Variants in MEI4 observed in about 807,000 individuals in gnomAD.
The protein encoded by MEI4 is meiosis-specific protein MEI4.
A neutral mutation model predicts 31.4 loss-of-function variants in MEI4; 27 were observed. That is an observed-to-expected ratio of 0.86 (90% CI 0.63 to 1.19). MEI4 has a LOEUF of 1.19. MEI4 is among the 50% of genes most tolerant of loss of function. The pLI is 0.00. For synonymous variants in MEI4, 122 were observed against 145.4 expected (o/e 0.84, Z 1.16); for missense variants, 329 against 398.9 (o/e 0.82, Z 1.49).
At position 77,891,166 on chromosome 6, in the gene MEI4, T is replaced by A. The variant is rs371115087; in HGVS notation, c.901-31923T>A. ...TTGGGATTCTTTGAGCTCCTTGTAT[T>A]TGGATGTCTGTGTCTCTTGCAAGAC... On this transcript the variant is annotated intron_variant, in intron 4 of 4. Coordinates refer to ENST00000684080, the MANE Select transcript of MEI4 (RefSeq NM_001322247.2). 1.4e-3 allele frequency among the ~76,000 whole-genome samples: 217 copies of A among 152,326 alleles called. 4 individuals carry two copies. The South Asian group carries it at 0.024, about 17-fold the overall frequency.
intron 4 of MEI4, among the ~76,000 whole-genome samples, chr6:77,839,332 C>G (rs1170218646): frequency 6.6e-6 from 1 of 152,092 alleles, no homozygotes; most frequent in African/African-American, 2.4e-5. Context: ...CTTCTGGGAA[C>G]AGAAGGGGGT....
chr6:77,883,169 T>C (rs1771528767), intron 4 of MEI4, among the ~76,000 whole-genome samples: 1 of 152,106 alleles, frequency 6.6e-6, no homozygotes, highest in African/African-American at 2.4e-5. Flanking sequence ...GCTTTTTTAG[T>C]AGTGTCTTTT....
chr6:77,786,156 A>G (rs1180267900), intron 3 of MEI4, among the ~76,000 whole-genome samples: 1 of 152,150 alleles, frequency 6.6e-6, no homozygotes, highest in Non-Finnish European at 1.5e-5. Flanking sequence ...TATGAAAAGT[A>G]TATCTATAGG....
At chr6:77,876,422 C>A (rs951164263) in intron 4 of MEI4, among the ~76,000 whole-genome samples, 1 of 152,048 alleles carries the variant, frequency 6.6e-6, no homozygotes, top group African/African-American at 2.4e-5. Flanking sequence ...GTTCATTTAC[C>A]ATGTGATACC....
intron 2 of MEI4, among the ~76,000 whole-genome samples, chr6:77,735,542 T>G (rs1767168282): frequency 6.6e-6 from 1 of 152,000 alleles, no homozygotes; most frequent in South Asian, 2.1e-4. Flanking sequence ...CTTCTAAATT[T>G]TTTTCAAAGT....
At chr6:77,782,414 C>A (rs1252983073) in intron 3 of MEI4, among the ~76,000 whole-genome samples, 1 of 152,086 alleles carries the variant, frequency 6.6e-6, no homozygotes, top group Non-Finnish European at 1.5e-5. Context: ...TAAAAAATTA[C>A]ACATACTTAA....
intron 2 of MEI4, among the ~76,000 whole-genome samples, chr6:77,754,158 G>T (rs943700675): frequency 2.0e-5 from 3 of 152,026 alleles, no homozygotes; most frequent in Non-Finnish European, 4.4e-5. Flanking sequence ...TGTAGATGAT[G>T]GGTTGATGGG....
chr6:77,829,235 G>T (rs750326697), intron 4 of MEI4, among the ~76,000 whole-genome samples, 173 bp downstream of exon 4: 2 of 152,038 alleles, frequency 1.3e-5, no homozygotes, highest in Non-Finnish European at 2.9e-5. Context: ...GATACTTTCA[G>T]AAAACAGTTT....
intron 4 of MEI4, among the ~76,000 whole-genome samples, chr6:77,887,341 G>T (rs1252189829): frequency 2.0e-5 from 3 of 151,002 alleles, no homozygotes; most frequent in African/African-American, 7.3e-5. Flanking sequence ...GCCCAGGTTG[G>T]AGTGGAGTGC....
intron 1 of MEI4, among the ~76,000 whole-genome samples, chr6:77,668,661 GC>G (rs1347966731): frequency 6.6e-6 from 1 of 152,178 alleles, no homozygotes; most frequent in African/African-American, 2.4e-5. Context: ...TACTGTCTGA[GC>G]CTCTGTTGAT....
intron 2 of MEI4, among the ~76,000 whole-genome samples, chr6:77,735,771 A>C (rs542389190): frequency 6.6e-6 from 1 of 151,808 alleles, no homozygotes; most frequent in South Asian, 2.1e-4. Flanking sequence ...GGTTTTATCT[A>C]TTTTTGGTCT....
chr6:77,754,005 A>G (rs1396258292), intron 2 of MEI4, among the ~76,000 whole-genome samples: 1 of 152,166 alleles, frequency 6.6e-6, no homozygotes, highest in Non-Finnish European at 1.5e-5. Context: ...ACATCAGCAG[A>G]AAACCAAACA....
rs140791906 is a variant in MEI4, at chr6:77,716,198, G to A, written c.232+25295G>A. On this transcript the variant is annotated intron_variant, in intron 2 of 4. Transcript: ENST00000684080. ...TAACGTATATTAACAGGTTTCATGGGAGCCAATTACAGGGGAATCAGATCA... is the reference window on the plus strand; with the variant it reads ...TAACGTATATTAACAGGTTTCATGGAAGCCAATTACAGGGGAATCAGATCA... 1.4e-3 allele frequency among the ~76,000 whole-genome samples: 212 copies of A among 152,246 alleles called. 1 individual carries two copies. Among genetic ancestry groups the A allele is most frequent in the African/African-American group, 4.5e-3 (186 of 41,554 alleles).
At chr6:77,870,630 A>G (rs986098682) in intron 4 of MEI4, among the ~76,000 whole-genome samples, 1 of 152,196 alleles carries the variant, frequency 6.6e-6, no homozygotes, top group South Asian at 2.1e-4. Context: ...AGGAGAGAAC[A>G]TATAATTACA....
intron 3 of MEI4, among the ~76,000 whole-genome samples, chr6:77,762,722 C>CAA (rs1768073697): frequency 6.6e-6 from 1 of 152,092 alleles, no homozygotes; most frequent in Non-Finnish European, 1.5e-5. Flanking sequence ...CTTTCCTTCT[C>CAA]TATTAAGGTA....
intron 3 of MEI4, among the ~76,000 whole-genome samples, chr6:77,781,776 ATTC>A (rs1768603237): frequency 6.6e-6 from 1 of 152,156 alleles, no homozygotes; most frequent in Non-Finnish European, 1.5e-5. Flanking sequence ...TAAGAGCTCT[ATTC>A]TTAAACAGGA....
chr6:77,798,765 A>T lies in MEI4; in HGVS notation c.769-30166A>T, dbSNP rs1336842525. Among the ~76,000 whole-genome samples, 3 of 151,256 alleles carry T rather than the reference A, an allele frequency of 2.0e-5. No homozygotes were observed. In the East Asian group the frequency reaches 5.9e-4, roughly 30 times the overall value. The stretch of plus-strand genomic sequence containing the variant: ...GTGTTTGGTTTTTTGTTCTCGCGAT[A>T]GTTTACTGAGAATGATGACTTCCAA... On this transcript the variant is annotated intron_variant, in intron 3 of 4. Coordinates refer to ENST00000684080, the MANE Select transcript of MEI4 (RefSeq NM_001322247.2).
chr6:77,726,646 A>G (rs1026617170), intron 2 of MEI4, among the ~76,000 whole-genome samples: 2 of 151,872 alleles, frequency 1.3e-5, no homozygotes, highest in Non-Finnish European at 2.9e-5. Context: ...GGACCGTGTA[A>G]TAGGCCTGGT....
In MEI4 at chr6:77,923,581, CTG is replaced by C. The variant is rs776608181; in HGVS notation, c.*237_*238del. ...TAATGCCATCCTTATTCCCATGTAA[CTG>C]TATCTTATTTCACTCAATATAGTTT... is the stretch of plus-strand genomic sequence containing the variant. On this transcript the variant is annotated 3_prime_UTR_variant, in exon 5 of 5. Transcript: ENST00000684080. 1 of 290,158 alleles carries C rather than the reference CTG, an allele frequency of 3.4e-6. No individual in the cohort carries two copies. The highest frequency in any genetic ancestry group is 6.3e-6 in the Non-Finnish European group (1 of 159,662). The allele number at this position is 290,158 out of a possible 1,614,324, so 18.0% of individuals were successfully genotyped here. A position where few individuals can be genotyped will look rare whatever the true frequency, so the allele number is the denominator to read the frequency against.
Sources: allele counts gnomAD v4.1 joint callset (sites outside exome capture counted in the v4.1 genomes callset), GRCh38; gene constraint gnomAD v4.1.1; transcripts MANE v1.5; gene names NCBI Gene and HGNC (gene_info 2026-07-23, HGNC 2026-07-21).